ARID5B: variants seen among roughly 807,000 people sequenced by gnomAD.
ARID5B encodes the protein AT-rich interactive domain-containing protein 5B.
A neutral mutation model predicts 97.2 loss-of-function variants in ARID5B; 13 were observed. The ratio of observed to expected loss-of-function variants is 0.13; its 90% confidence interval spans 0.09 to 0.21. ARID5B has a LOEUF of 0.21. Among genes scored for constraint, ARID5B ranks in the 10% least tolerant of loss-of-function variants. ARID5B has a pLI of 1.00. For missense variants in ARID5B, 1,210 were observed against 1,465.3 expected, an observed-to-expected ratio of 0.83 and a Z score of 2.84; for synonymous variants, 556 against 570.3, an observed-to-expected ratio of 0.97 and a Z score of 0.36.
At chr10:62,055,367 T>A (rs1839841628) in intron 5 of ARID5B, among the ~76,000 whole-genome samples, 1 of 152,150 alleles carries the variant, frequency 6.6e-6, no homozygotes, top group African/African-American at 2.4e-5. Flanking sequence ...TCATTTCTAA[T>A]ACGAAAATAA....
At chr10:62,089,482 C>G (rs544205040) in intron 9 of ARID5B, among the ~76,000 whole-genome samples, 46 of 151,048 alleles carry the variant, frequency 3.0e-4, no homozygotes, top group Non-Finnish European at 6.1e-4. Flanking sequence ...TGCCTTCCTT[C>G]CTTCCTTTCT....
At chr10:62,063,646 G>T (rs1839950812) in intron 7 of ARID5B, among the ~76,000 whole-genome samples, 4 of 152,204 alleles carry the variant, frequency 2.6e-5, no homozygotes, top group Admixed American at 1.3e-4. Context: ...TAGGTTGAGA[G>T]AGCATAAATA....
chr10:62,018,198 A>C (rs558511533), intron 4 of ARID5B, among the ~76,000 whole-genome samples: 1 of 152,356 alleles, frequency 6.6e-6, no homozygotes, highest in South Asian at 2.1e-4. Context: ...CTTCCTGGGC[A>C]GACCTCCTCT....
chr10:61,934,409 G>A (rs2132787960), intron 2 of ARID5B, among the ~76,000 whole-genome samples: 1 of 152,316 alleles, frequency 6.6e-6, no homozygotes, highest in East Asian at 1.9e-4. Context: ...GGCGCAAGAG[G>A]CCTAGCTTTC....
intron 3 of ARID5B, among the ~76,000 whole-genome samples, chr10:61,995,816 A>G (rs528935690): frequency 9.8e-4 from 149 of 152,234 alleles, no homozygotes; most frequent in African/African-American, 3.4e-3. Flanking sequence ...AAACTTTCCT[A>G]GGAGTCCTCA....
intron 3 of ARID5B, among the ~76,000 whole-genome samples, chr10:61,942,594 C>T (rs545314793): frequency 3.0e-4 from 45 of 152,252 alleles, no homozygotes; most frequent in Admixed American, 1.1e-3. Context: ...GAGTTCAAGA[C>T]CAGCCTGGCC....
At chr10:61,992,429 G>A (rs551804089) in intron 3 of ARID5B, among the ~76,000 whole-genome samples, 2 of 152,218 alleles carry the variant, frequency 1.3e-5, no homozygotes, top group South Asian at 2.1e-4. Context: ...GAGTGATGAA[G>A]CAATAGTGAG....
chr10:61,951,583 T>C (rs1342919267), intron 3 of ARID5B, among the ~76,000 whole-genome samples: 2 of 152,234 alleles, frequency 1.3e-5, no homozygotes, highest in African/African-American at 4.8e-5. Flanking sequence ...CTTCTCTTTT[T>C]CATTAAGTAA....
chr10:62,056,709 A>G (rs1839860938), intron 5 of ARID5B, among the ~76,000 whole-genome samples: 2 of 152,196 alleles, frequency 1.3e-5, no homozygotes, highest in South Asian at 2.1e-4. Flanking sequence ...CTCATTTCAC[A>G]TCAACATACT....
At chr10:62,041,491 G>A (rs1453773210) in intron 4 of ARID5B, among the ~76,000 whole-genome samples, 2 of 152,202 alleles carry the variant, frequency 1.3e-5, no homozygotes, top group Non-Finnish European at 2.9e-5. Flanking sequence ...AGCACAAAGT[G>A]AGTGAAAAGC....
intron 8 of ARID5B, among the ~76,000 whole-genome samples, chr10:62,075,092 A>G (rs1200345546): frequency 6.6e-6 from 1 of 152,122 alleles, no homozygotes; most frequent in African/African-American, 2.4e-5. Context: ...CTTGGCCACA[A>G]ACTCAGATAT....
intron 4 of ARID5B, among the ~76,000 whole-genome samples, chr10:62,013,403 A>C (rs1839242131): frequency 6.6e-6 from 1 of 152,188 alleles, no homozygotes; most frequent in African/African-American, 2.4e-5. Flanking sequence ...AAATTGATGT[A>C]ATTAGCACAT....
intron 2 of ARID5B, among the ~76,000 whole-genome samples, chr10:61,932,670 A>G (rs1844232058): frequency 6.6e-6 from 1 of 152,016 alleles, no homozygotes; most frequent in South Asian, 2.1e-4. Context: ...TTGACACTTC[A>G]TTTCACGAAA....
intron 2 of ARID5B, among the ~76,000 whole-genome samples, chr10:61,937,533 TATTG>T (rs1844326925): frequency 6.6e-6 from 1 of 152,228 alleles, no homozygotes; most frequent in Non-Finnish European, 1.5e-5. Context: ...CTTACATAAA[TATTG>T]ATTAAGAGCT....
At position 62,095,324 on chromosome 10, in the gene ARID5B, C is replaced by T; in HGVS notation, c.*2294C>T. ...GAAAAAGGAAACTTCGGTGGTTCTG[C>T]AGCAGACATGGGCTAGGTCATATGT... On this transcript the variant is annotated 3_prime_UTR_variant, in exon 10 of 10. Transcript: ENST00000279873. 4.3e-6 allele frequency: 1 copy of T among 233,156 alleles called. No individual in the cohort carries two copies. The highest frequency in any genetic ancestry group is 6.0e-5 in the East Asian group (1 of 16,560). 14.4% of individuals were successfully genotyped at this position (233,156 alleles called of 1,614,324 possible).
intron 3 of ARID5B, among the ~76,000 whole-genome samples, chr10:61,965,145 A>G (rs1052161721): frequency 1.3e-5 from 2 of 152,220 alleles, no homozygotes; most frequent in African/African-American, 4.8e-5. Flanking sequence ...AACATTGCGA[A>G]TGGATGGCTA....
intron 3 of ARID5B, among the ~76,000 whole-genome samples, chr10:61,967,696 T>A (rs1020627179): frequency 6.6e-6 from 1 of 152,192 alleles, no homozygotes; most frequent in African/African-American, 2.4e-5. Context: ...TCCAAGCAGA[T>A]GTTTTGCTAG....
intron 2 of ARID5B, among the ~76,000 whole-genome samples, chr10:61,934,198 A>G (rs1277814342): frequency 6.6e-6 from 1 of 152,202 alleles, no homozygotes; most frequent in Non-Finnish European, 1.5e-5. Context: ...GTAGAATTGA[A>G]GAGAGTTAGG....
At chr10:62,034,083 G>C (rs1431418265) in intron 4 of ARID5B, among the ~76,000 whole-genome samples, 2 of 152,198 alleles carry the variant, frequency 1.3e-5, no homozygotes, top group Non-Finnish European at 2.9e-5. Context: ...TTTGCATGAG[G>C]CTATGTTTAA....
Sources: gnomAD v4.1 joint callset for allele counts (sites outside exome capture counted in the v4.1 genomes callset) on GRCh38, gnomAD v4.1.1 for gene constraint, MANE v1.5 for transcripts, NCBI Gene and HGNC (gene_info 2026-07-23, HGNC 2026-07-21) for gene names.